Variants in GALNT13 observed in about 807,000 individuals in gnomAD.
GALNT13 encodes UDP-GalNAc:polypeptide N-acetylgalactosaminyltransferase 13.
A neutral mutation model predicts 64.2 loss-of-function variants in GALNT13; 28 were observed. That is an observed-to-expected ratio of 0.44 (90% CI 0.32 to 0.60). The LOEUF is 0.60. Among genes scored for constraint, GALNT13 ranks in the 20% least tolerant of loss-of-function variants. The pLI is 0.05. For missense variants in GALNT13, 577 were observed against 669.8 expected (o/e 0.86, Z 1.53); for synonymous variants, 214 against 224.6 (o/e 0.95, Z 0.42).
the GALNT13 span, among the ~76,000 whole-genome samples, chr2:153,743,345 C>T: frequency 6.6e-6 from 1 of 151,972 alleles, no homozygotes; most frequent in Non-Finnish European, 1.5e-5. Flanking sequence ...GTGAATAGTA[C>T]TGCAATGAAC....
the GALNT13 span, among the ~76,000 whole-genome samples, chr2:153,405,812 G>A: frequency 3.9e-4 from 59 of 152,234 alleles, no homozygotes; most frequent in African/African-American, 1.3e-3. Flanking sequence ...AGGACAAGGT[G>A]GCATATATGA....
chr2:154,161,007 T>A (rs185217255), intron 4 of GALNT13, among the ~76,000 whole-genome samples: 2 of 152,332 alleles, frequency 1.3e-5, no homozygotes, highest in African/African-American at 4.8e-5. Context: ...GAATTTTTCT[T>A]ATCTCTATGC....
At chr2:153,155,540 T>A in the GALNT13 span, among the ~76,000 whole-genome samples, 8 of 152,316 alleles carry the variant, frequency 5.3e-5, no homozygotes, top group African/African-American at 9.6e-5. Context: ...CTGATGGTTA[T>A]TTGTATTTCT....
At chr2:154,309,665 A>G (rs74897137) in intron 9 of GALNT13, among the ~76,000 whole-genome samples, 8 of 152,164 alleles carry the variant, frequency 5.3e-5, no homozygotes, top group Non-Finnish European at 1.2e-4. Context: ...ATCCACTCCC[A>G]TGACCCAAAC....
chr2:154,174,249 A>G (rs1325157833), intron 4 of GALNT13, among the ~76,000 whole-genome samples: 1 of 152,138 alleles, frequency 6.6e-6, no homozygotes, highest in East Asian at 1.9e-4. Context: ...AGTGTTTTCA[A>G]ATGCTTAATC....
At chr2:153,604,999 T>C in the GALNT13 span, among the ~76,000 whole-genome samples, 3 of 152,022 alleles carry the variant, frequency 2.0e-5, no homozygotes, top group Non-Finnish European at 4.4e-5. Context: ...ATCATGCAAC[T>C]GGAATCCAAG....
chr2:153,696,153 A>C, the GALNT13 span, among the ~76,000 whole-genome samples: 1 of 152,214 alleles, frequency 6.6e-6, no homozygotes, highest in African/African-American at 2.4e-5. Flanking sequence ...CCGACAGTGC[A>C]ACCTTCAGTC....
chr2:153,795,682 T>A, the GALNT13 span, among the ~76,000 whole-genome samples: 1 of 152,346 alleles, frequency 6.6e-6, no homozygotes, highest in African/African-American at 2.4e-5. Context: ...ATTGATTCCT[T>A]GAAGACAGAT....
chr2:153,601,327 A>G, the GALNT13 span, among the ~76,000 whole-genome samples: 2 of 151,788 alleles, frequency 1.3e-5, no homozygotes, highest in Non-Finnish European at 2.9e-5. Flanking sequence ...ATGGCAAAAT[A>G]TTGTCTTCAG....
At chr2:153,660,888 A>T in the GALNT13 span, among the ~76,000 whole-genome samples, 1 of 152,122 alleles carries the variant, frequency 6.6e-6, no homozygotes, top group Non-Finnish European at 1.5e-5. Flanking sequence ...AAGTCACATG[A>T]CCAAGCATAG....
At chr2:153,641,082 C>T in the GALNT13 span, among the ~76,000 whole-genome samples, 1 of 152,102 alleles carries the variant, frequency 6.6e-6, no homozygotes, top group African/African-American at 2.4e-5. Flanking sequence ...ATAATCTTTT[C>T]TTGTATCTAA....
At chr2:154,235,190 G>T (rs1186571056) in intron 4 of GALNT13, among the ~76,000 whole-genome samples, 1 of 152,082 alleles carries the variant, frequency 6.6e-6, no homozygotes, top group Non-Finnish European at 1.5e-5. Flanking sequence ...TAATTGATCT[G>T]ATAGCAAATA....
At chr2:154,422,857 C>T (rs778032796) in intron 11 of GALNT13, among the ~76,000 whole-genome samples, 14 of 151,992 alleles carry the variant, frequency 9.2e-5, no homozygotes, top group Non-Finnish European at 5.9e-5. Flanking sequence ...ACAAAGAGAC[C>T]TGATTTTTTT....
At chr2:154,407,746 T>C (rs1574250936) in intron 10 of GALNT13, among the ~76,000 whole-genome samples, 1 of 152,186 alleles carries the variant, frequency 6.6e-6, no homozygotes, top group Admixed American at 6.6e-5. Flanking sequence ...AAACAGGGCT[T>C]GATGACTCTG....
At chr2:154,017,658 A>C (rs1182202888) in intron 3 of GALNT13, among the ~76,000 whole-genome samples, 3 of 152,200 alleles carry the variant, frequency 2.0e-5, no homozygotes, top group Admixed American at 1.3e-4. Flanking sequence ...ATTGACTATA[A>C]AGTTATTCGT....
chr2:153,671,224 A>C, the GALNT13 span, among the ~76,000 whole-genome samples: 1 of 152,212 alleles, frequency 6.6e-6, no homozygotes, highest in Non-Finnish European at 1.5e-5. Context: ...CTCCTCAAGA[A>C]GAGCAACCCC....
the GALNT13 span, among the ~76,000 whole-genome samples, chr2:153,517,441 G>C: frequency 6.6e-6 from 1 of 152,126 alleles, no homozygotes; most frequent in Admixed American, 6.5e-5. Context: ...ATAGTATGAG[G>C]TTTGAAACCC....
chr2:153,336,592 T>C, the GALNT13 span, among the ~76,000 whole-genome samples: 2 of 152,352 alleles, frequency 1.3e-5, no homozygotes, highest in South Asian at 2.1e-4. Flanking sequence ...ACTCTTATTG[T>C]ATCTAGGAAG....
intron 2 of GALNT13, among the ~76,000 whole-genome samples, chr2:153,939,123 G>A (rs1335457144): frequency 1.3e-5 from 2 of 152,160 alleles, no homozygotes; most frequent in Admixed American, 1.3e-4. Flanking sequence ...ATTAAGTGGG[G>A]TGAGAAGACA....
Sources: allele counts gnomAD v4.1 joint callset (sites outside exome capture counted in the v4.1 genomes callset), GRCh38; gene constraint gnomAD v4.1.1; transcripts MANE v1.5; gene names NCBI Gene and HGNC (gene_info 2026-07-23, HGNC 2026-07-21).